PRR16: variants seen among roughly 807,000 people sequenced by gnomAD.
PRR16 encodes protein Largen.
In PRR16, 6 loss-of-function variants were observed where a neutral mutation model predicts 18.2. That is an observed-to-expected ratio of 0.33 (90% confidence interval 0.18 to 0.65). The LOEUF (loss-of-function observed/expected upper bound fraction) is 0.65. Among genes scored for constraint, PRR16 ranks in the 30% least tolerant of loss-of-function variants. The pLI is 0.74. For missense variants in PRR16, 412 were observed against 376.6 expected, an observed-to-expected ratio of 1.09 and a Z score of -0.78; for synonymous variants, 151 against 147.8, an observed-to-expected ratio of 1.02 and a Z score of -0.16.
chr5:120,791,232 C>T, the PRR16 span, among the ~76,000 whole-genome samples: 1 of 151,928 alleles, frequency 6.6e-6, no homozygotes, highest in African/African-American at 2.4e-5. Flanking sequence ...GGTTTATTGG[C>T]AAGCTTTTGT....
chr5:120,628,751 A>G (rs990726425), intron 1 of PRR16, among the ~76,000 whole-genome samples: 3 of 143,812 alleles, frequency 2.1e-5, no homozygotes, highest in Admixed American at 1.4e-4. Flanking sequence ...TCTATCTATC[A>G]TCTATCTGTC....
the PRR16 span, among the ~76,000 whole-genome samples, chr5:120,789,121 T>A: frequency 6.6e-6 from 1 of 152,054 alleles, no homozygotes; most frequent in African/African-American, 2.4e-5. Context: ...AAAATACACT[T>A]AAAGGCATTC....
intron 1 of PRR16, among the ~76,000 whole-genome samples, chr5:120,662,606 C>A (rs887158846): frequency 1.3e-5 from 2 of 152,132 alleles, no homozygotes; most frequent in Non-Finnish European, 2.9e-5. Flanking sequence ...TTCTCCCCTT[C>A]CGCACACCAT....
At chr5:120,538,176 A>G (rs893398271) in intron 1 of PRR16, among the ~76,000 whole-genome samples, 1 of 152,238 alleles carries the variant, frequency 6.6e-6, no homozygotes, top group Non-Finnish European at 1.5e-5. Context: ...GATTTCATTT[A>G]TGTTGAATAC....
the PRR16 span, among the ~76,000 whole-genome samples, chr5:120,693,128 A>G: frequency 6.6e-6 from 1 of 152,302 alleles, no homozygotes; most frequent in Non-Finnish European, 1.5e-5. Flanking sequence ...ATATGTATAT[A>G]TAATATTAAT....
the PRR16 span, among the ~76,000 whole-genome samples, chr5:120,748,611 C>A: frequency 1.3e-5 from 2 of 151,998 alleles, no homozygotes. Flanking sequence ...ATTTGGGAGA[C>A]ATTATCCAAG....
At chr5:120,471,588 A>G (rs1435464790) in intron 1 of PRR16, among the ~76,000 whole-genome samples, 2 of 152,232 alleles carry the variant, frequency 1.3e-5, no homozygotes, top group African/African-American at 4.8e-5. Context: ...TTCTTGTATT[A>G]ACTTTAGTGC....
At chr5:120,510,552 G>A (rs16766) in intron 1 of PRR16, among the ~76,000 whole-genome samples, 44,670 of 152,068 alleles carry the variant, frequency 0.29, 7,439 homozygotes, top group African/African-American at 0.45. Flanking sequence ...GTATTCACAT[G>A]TTAGATATTA....
At chr5:120,482,519 C>T (rs1431357615) in intron 1 of PRR16, among the ~76,000 whole-genome samples, 1 of 152,010 alleles carries the variant, frequency 6.6e-6, no homozygotes. Flanking sequence ...TTTTCTTTAT[C>T]CATTCCACCA....
chr5:120,549,377 C>G (rs554664257), intron 1 of PRR16, among the ~76,000 whole-genome samples: 1 of 152,138 alleles, frequency 6.6e-6, no homozygotes, highest in South Asian at 2.1e-4. Context: ...ACACCCAGGG[C>G]CCAGGCTCCT....
intron 1 of PRR16, among the ~76,000 whole-genome samples, chr5:120,518,579 A>G (rs1407711767): frequency 6.7e-6 from 1 of 148,794 alleles, no homozygotes; most frequent in African/African-American, 2.5e-5. Flanking sequence ...TTTTTTTTTT[A>G]ATAGAGGCTG....
chr5:120,530,281 A>ATATATATATATATT (rs1447791509), intron 1 of PRR16, among the ~76,000 whole-genome samples: 9 of 92,680 alleles, frequency 9.7e-5, no homozygotes, highest in African/African-American at 3.0e-4. Flanking sequence ...ATATATATAT[A>ATATATATATATATT]TATTTATTTA....
At position 120,622,611 on chromosome 5, in the gene PRR16, T is replaced by C. The variant is rs187881644; in HGVS notation, c.160-63343T>C. Among the ~76,000 whole-genome samples, 891 of 152,202 alleles carry C rather than the reference T, an allele frequency of 5.9e-3. 5 individuals carry two copies. The highest frequency in any genetic ancestry group is 1.0e-2 in the Admixed American group (152 of 15,272). ...CTCCTGCCTTAGCCTCCCGAATAGC[T>C]GGGACTACAGGCATGCGCCACCATG... On this transcript the variant is annotated intron_variant, in intron 1 of 1. Coordinates refer to ENST00000407149, the MANE Select transcript of PRR16 (RefSeq NM_001300783.2).
At chr5:120,672,446 G>T (rs1232666297) in intron 1 of PRR16, among the ~76,000 whole-genome samples, 1 of 151,724 alleles carries the variant, frequency 6.6e-6, no homozygotes, top group Non-Finnish European at 1.5e-5. Context: ...CCTGGATCCT[G>T]GGAGTATTGT....
At chr5:120,544,969 A>G (rs546131024) in intron 1 of PRR16, among the ~76,000 whole-genome samples, 3 of 152,186 alleles carry the variant, frequency 2.0e-5, no homozygotes, top group Non-Finnish European at 4.4e-5. Context: ...CTTAAGAAAC[A>G]TTCCAAAACC....
At chr5:120,639,317 G>T (rs1463425185) in intron 1 of PRR16, among the ~76,000 whole-genome samples, 3 of 151,968 alleles carry the variant, frequency 2.0e-5, no homozygotes, top group Non-Finnish European at 4.4e-5. Flanking sequence ...CATAAAAATG[G>T]AAATAATGTT....
chr5:120,622,341 A>G (rs760899956), intron 1 of PRR16, among the ~76,000 whole-genome samples: 50 of 152,116 alleles, frequency 3.3e-4, no homozygotes, highest in Non-Finnish European at 1.6e-4. Flanking sequence ...GATTACCAGT[A>G]TATATATTTT....
the PRR16 span, among the ~76,000 whole-genome samples, chr5:120,716,198 C>G: frequency 6.6e-6 from 1 of 152,162 alleles, no homozygotes. Flanking sequence ...CTTTGTCAAA[C>G]CCTTTTCCAA....
chr5:120,659,718 T>C (rs1276908165), intron 1 of PRR16, among the ~76,000 whole-genome samples: 1 of 152,040 alleles, frequency 6.6e-6, no homozygotes, highest in East Asian at 1.9e-4. Context: ...TTTGAAACTA[T>C]CTTGTCTCTT....
Sources: allele counts gnomAD v4.1 joint callset (sites outside exome capture counted in the v4.1 genomes callset), GRCh38; gene constraint gnomAD v4.1.1; transcripts MANE v1.5; gene names NCBI Gene and HGNC (gene_info 2026-07-23, HGNC 2026-07-21).